Variants in DIPK1B observed in about 807,000 individuals in gnomAD.
DIPK1B encodes family with sequence similarity 69 member B.
A neutral mutation model predicts 20.7 loss-of-function variants in DIPK1B; 17 were observed. That is an observed-to-expected ratio of 0.82 (90% CI 0.56 to 1.23). The LOEUF (loss-of-function observed/expected upper bound fraction) is 1.23, where lower values mean the gene tolerates loss of function less well. DIPK1B is among the 50% of genes most tolerant of loss of function. The pLI is 0.00. For synonymous variants in DIPK1B, 343 were observed against 276.5 expected (o/e 1.24, Z -2.39); for missense variants, 648 against 601.8 (o/e 1.08, Z -0.80).
At chr9:136,722,463 G>A in intron 4 of DIPK1B, 162 bp downstream of exon 4, 2 of 886,808 alleles carry the variant, frequency 2.3e-6, no homozygotes, top group Non-Finnish European at 1.7e-6. Context: ...AGCCCTGCCA[G>A]GGAAGGAGCC....
rs372294857 is a variant in DIPK1B at position 136,718,498 on chromosome 9, C to T, written c.198+787C>T. ...CCCTGCCCCTCTCCACACCCTGTGA[C>T]TAGCTCAGAGGGGAGGTCATCCCAG... On this transcript the variant is annotated intron_variant, in intron 2 of 4. Coordinates refer to ENST00000371692, the MANE Select transcript of DIPK1B (RefSeq NM_152421.4). Among the ~76,000 whole-genome samples, 3 of 152,314 alleles carry T rather than the reference C, an allele frequency of 2.0e-5. No homozygotes were observed. In the East Asian group the frequency reaches 5.8e-4, roughly 29 times the overall value.
intron 2 of DIPK1B, among the ~76,000 whole-genome samples, chr9:136,719,437 G>A (rs1473953533): frequency 6.6e-6 from 1 of 152,218 alleles, no homozygotes; most frequent in Non-Finnish European, 1.5e-5. Flanking sequence ...TGGGGGCATT[G>A]GACGCCTCAG....
intron 2 of DIPK1B, among the ~76,000 whole-genome samples, chr9:136,719,603 C>T (rs1193087263): frequency 1.3e-5 from 2 of 152,214 alleles, no homozygotes; most frequent in Non-Finnish European, 1.5e-5. Context: ...GTGAGGGGAC[C>T]GATGTGCGGC....
In DIPK1B at chr9:136,723,764, A is replaced by G. The variant is rs1393919955; in HGVS notation, c.1286A>G (p.Lys429Arg). 1.3e-6 allele frequency: 2 copies of G among 1,534,390 alleles called. No individual in the cohort carries two copies. Among genetic ancestry groups the G allele is most frequent in the Non-Finnish European group, 8.7e-7 (1 of 1,146,816 alleles). The stretch of plus-strand genomic sequence containing the variant: ...CTCTGGAAGAAGATCTCCAACACCA[A>G]GTACTCTTGATGGGGCAGTGAGGGG... ...TLLWKKISNT[K>R]YS The change falls in exon 5 of 5, where the codon AAG (lysine) becomes AGG (arginine). Residue 429 changes from lysine (K) to arginine (R), a missense_variant. Coordinates refer to ENST00000371692, the MANE Select transcript of DIPK1B (RefSeq NM_152421.4).
At position 136,723,086 on chromosome 9, in the gene DIPK1B, G is replaced by C. The variant is rs368865388; in HGVS notation, c.608G>C (p.Arg203Pro). 1 of 1,613,626 alleles carries C rather than the reference G, an allele frequency of 6.2e-7. No homozygotes were observed. The change falls in exon 5 of 5, where the codon CGT (arginine) becomes CCT (proline). Residue 203 changes from arginine (R) to proline (P), a missense_variant. Arg to Pro is a moderately radical substitution (Grantham distance 103). Transcript: ENST00000371692. ...EAKSVWALLQ[R>P]NEFLLLLSLQ... ...AAGTCCGTGTGGGCCCTGCTGCAGCGTAACGAGTTCCTGCTGCTGCTGTCC... is the reference window on the plus strand; with the variant it reads ...AAGTCCGTGTGGGCCCTGCTGCAGCCTAACGAGTTCCTGCTGCTGCTGTCC...
chr9:136,723,701 C>T lies in DIPK1B; in HGVS notation c.1223C>T (p.Ala408Val). 2 of 1,538,834 alleles carry T rather than the reference C, an allele frequency of 1.3e-6. No homozygotes were observed. Among genetic ancestry groups the T allele is most frequent in the Non-Finnish European group, 8.7e-7 (1 of 1,147,274 alleles). ...TLSGLASQVEAHHSLVLSHLK... is the reference protein window; with the variant it reads ...TLSGLASQVEVHHSLVLSHLK... ...AGCGGGCTGGCCAGCCAGGTGGAGG[C>T]CCATCACTCGCTGGTGCTCAGCCAC... Residue 408 changes from alanine to valine, a missense_variant, in exon 5 of 5, where the codon GCC (alanine) becomes GTC (valine). Transcript: ENST00000371692.
chr9:136,722,722 AC>A, intron 4 of DIPK1B: 1 of 596,468 alleles, frequency 1.7e-6, no homozygotes, highest in Non-Finnish European at 2.9e-6. Context: ...CCCCAGGTGC[AC>A]CCAAGGCTGC....
chr9:136,722,961 G>C lies in DIPK1B; in HGVS notation c.484-1G>C. The C allele has an allele frequency of 6.2e-7, 1 of 1,600,902 alleles. No individual in the cohort carries two copies. Among genetic ancestry groups the C allele is most frequent in the South Asian group, 1.1e-5 (1 of 90,476 alleles). ...TCCTTTCTTTTGGTCCCAAACGCCA[G>C]GCGAACCTGGGAGACCTGCCTTCCC... On this transcript the variant is annotated splice_acceptor_variant, in intron 4 of 4. Transcript: ENST00000371692. LOFTEE classifies it high-confidence loss of function.
chr9:136,715,278 T>C (rs1846480563), intron 1 of DIPK1B, among the ~76,000 whole-genome samples: 1 of 152,134 alleles, frequency 6.6e-6, no homozygotes, highest in Admixed American at 6.5e-5. Flanking sequence ...CTGAGAGGCC[T>C]GAAATTTGCT....
chr9:136,718,372 C>T (rs975708087), intron 2 of DIPK1B, among the ~76,000 whole-genome samples: 1 of 152,188 alleles, frequency 6.6e-6, no homozygotes, highest in African/African-American at 2.4e-5. Context: ...AGGTCCTCCA[C>T]AGCCTCCACC....
chr9:136,718,443 G>T (rs190048829), intron 2 of DIPK1B, among the ~76,000 whole-genome samples: 1 of 152,240 alleles, frequency 6.6e-6, no homozygotes, highest in Non-Finnish European at 1.5e-5. Flanking sequence ...GGGAGCAAAC[G>T]TGTCCACATG....
In DIPK1B at chr9:136,722,451, T is replaced by C. The variant is rs529440675; in HGVS notation, c.483+150T>C. On this transcript the variant is annotated intron_variant, in intron 4 of 4. Coordinates refer to ENST00000371692, the MANE Select transcript of DIPK1B (RefSeq NM_152421.4). ...CCTCCCATCCCCCAGCCCCTGGGCA[T>C]GAGCCCTGCCAGGGAAGGAGCCTCT... 11 of 960,074 alleles carry C rather than the reference T, an allele frequency of 1.1e-5. No individual in the cohort carries two copies. The East Asian group carries it at 2.7e-4, about 23-fold the overall frequency. 59.5% of individuals were successfully genotyped at this position (960,074 alleles called of 1,614,324 possible).
In DIPK1B at chr9:136,723,991, G is replaced by C. The variant is rs1336000049; in HGVS notation, c.*217G>C. 2 of 594,112 alleles carry C rather than the reference G, an allele frequency of 3.4e-6. No homozygotes were observed. Among genetic ancestry groups the C allele is most frequent in the Admixed American group, 3.0e-5 (1 of 32,798 alleles). The allele number at this position is 594,112 out of a possible 1,614,324, so 36.8% of individuals were successfully genotyped here. ...CCCGGCAGGAGAGTCCTCCAAGGGG[G>C]TTTGTTACTCTGAAGAACGTAATGT... On this transcript the variant is annotated 3_prime_UTR_variant, in exon 5 of 5. Transcript: ENST00000371692.
rs573316726 is a variant in DIPK1B at position 136,723,130 on chromosome 9, G to A, written c.652G>A (p.Ala218Thr). The A allele has an allele frequency of 3.8e-5, 61 of 1,613,550 alleles. No individual in the cohort carries two copies. The highest frequency in any genetic ancestry group is 1.6e-4 in the Middle Eastern group (1 of 6,062). Residue 218 changes from alanine to threonine, a missense_variant, in exon 5 of 5, where the codon GCC becomes ACC. Transcript: ENST00000371692. The part of the protein sequence containing the change: ...LLLSLQEKEH[A>T]SRLLGYCGDL... ...GCTGTCCCTGCAGGAGAAGGAGCACGCCTCCAGACTGCTGGGCTACTGTGG... is the reference window on the plus strand; with the variant it reads ...GCTGTCCCTGCAGGAGAAGGAGCACACCTCCAGACTGCTGGGCTACTGTGG...
intron 1 of DIPK1B, among the ~76,000 whole-genome samples, chr9:136,716,170 T>C (rs1424239196): frequency 6.6e-6 from 1 of 151,906 alleles, no homozygotes; most frequent in African/African-American, 2.4e-5. Flanking sequence ...GCAGTGTGGA[T>C]AGGATAGACG....
At position 136,722,213 on chromosome 9, in the gene DIPK1B, C is replaced by A. The variant is rs1055931783; in HGVS notation, c.395C>A (p.Ala132Asp). ...TLDSKARSDA[A>D]PRRELVLFDK... is the part of the protein sequence containing the mutation. ...GACTCCAAGGCCCGGTCGGATGCGG[C>A]CCCCCGGCGGGAGCTGGTACTGTTT... is the stretch of plus-strand genomic sequence containing the variant. Residue 132 changes from alanine (A) to aspartate (D), a missense_variant, in exon 4 of 5, where the codon GCC becomes GAC. By Grantham distance (126) the Ala-to-Asp change is moderately radical. Coordinates refer to ENST00000371692, the MANE Select transcript of DIPK1B (RefSeq NM_152421.4). The A allele has an allele frequency of 6.2e-7, 1 of 1,613,810 alleles. No individual in the cohort carries two copies. The highest frequency in any genetic ancestry group is 1.3e-5 in the African/African-American group (1 of 74,888).
chr9:136,723,612 G>T lies in DIPK1B; in HGVS notation c.1134G>T (p.Leu378=). ...KVCALLRGYL[L]PGAPADLREE... ...GCGCACTGCTACGGGGCTACCTGCT[G>T]CCTGGCGCGCCCGCCGACCTCCGCG... Residue 378 remains leucine, a synonymous_variant, in exon 5 of 5, where the codon CTG becomes CTT. Transcript: ENST00000371692. 1 of 1,583,588 alleles carries T rather than the reference G, an allele frequency of 6.3e-7. No homozygotes were observed. Among genetic ancestry groups the T allele is most frequent in the Admixed American group, 1.8e-5 (1 of 55,852 alleles).
chr9:136,713,830 G>T (rs1846459662), intron 1 of DIPK1B, among the ~76,000 whole-genome samples: 1 of 152,250 alleles, frequency 6.6e-6, no homozygotes, highest in Admixed American at 6.5e-5. Flanking sequence ...AGTGGCGAGG[G>T]CCTCAGTTTC....
In DIPK1B at chr9:136,723,242, C is replaced by T. The variant is rs1846644420; in HGVS notation, c.764C>T (p.Ala255Val). The T allele has an allele frequency of 6.2e-7, 1 of 1,612,248 alleles. No homozygotes were observed. Among genetic ancestry groups the T allele is most frequent in the Non-Finnish European group, 8.5e-7 (1 of 1,179,668 alleles). Residue 255 changes from alanine to valine, a missense_variant, in exon 5 of 5, where the codon GCC becomes GTC. Physicochemically the swap from Ala to Val is moderately conservative, Grantham distance 64. Coordinates refer to ENST00000371692, the MANE Select transcript of DIPK1B (RefSeq NM_152421.4). ...CTGTTGCGCCCACTGCTGCCGCCTG[C>T]CCTGCAGGGTGCTCTCCAGCAGTGG... ...PPLLRPLLPP[A>V]LQGALQQWLG...
Sources: allele counts gnomAD v4.1 joint callset (sites outside exome capture counted in the v4.1 genomes callset), GRCh38; gene constraint gnomAD v4.1.1; transcripts MANE v1.5; gene names NCBI Gene and HGNC (gene_info 2026-07-23, HGNC 2026-07-21).